PTBP2: variants seen among roughly 807,000 people sequenced by gnomAD.
The protein encoded by PTBP2 is polypyrimidine tract-binding protein 2.
In PTBP2, 13 loss-of-function variants were observed where a neutral mutation model predicts 61.4. That is an observed-to-expected ratio of 0.21 (90% CI 0.14 to 0.34). The LOEUF is 0.34. Among genes scored for constraint, PTBP2 ranks in the 10% least tolerant of loss-of-function variants. PTBP2 has a pLI of 1.00. For missense variants in PTBP2, 405 were observed against 642.6 expected (o/e 0.63, Z 4.00); for synonymous variants, 215 against 218.5 (o/e 0.98, Z 0.14).
rs1662268042 is a variant in PTBP2 at position 96,813,506 on chromosome 1, T to C, written c.*101T>C. On this transcript the variant is annotated 3_prime_UTR_variant, in exon 14 of 14. Transcript: ENST00000674951. ...GACCAGAGTTTGATTTTTTTTGTTT[T>C]TGTTTTTTTGGGGTTTCTTTTTTTT... 8.1e-6 allele frequency: 10 copies of C among 1,232,898 alleles called. No homozygotes were observed. Among genetic ancestry groups the C allele is most frequent in the African/African-American group, 3.2e-5 (2 of 62,144 alleles). The allele number at this position is 1,232,898 out of a possible 1,614,324, so 76.4% of individuals were successfully genotyped here. A position where few individuals can be genotyped will look rare whatever the true frequency, so the allele number is the denominator to read the frequency against.
chr1:96,791,841 T>TTTTG (rs1557759335), intron 8 of PTBP2, among the ~76,000 whole-genome samples: 2 of 139,616 alleles, frequency 1.4e-5, no homozygotes, highest in Admixed American at 7.1e-5. Flanking sequence ...TTTTTTTTTT[T>TTTTG]TTTTTTTTGA....
At chr1:96,734,947 T>G (rs1246549747) in intron 2 of PTBP2, among the ~76,000 whole-genome samples, 1 of 149,562 alleles carries the variant, frequency 6.7e-6, no homozygotes, top group Non-Finnish European at 1.5e-5. Context: ...GACAAGAGTC[T>G]TGCCCTGTTG....
chr1:96,794,765 A>G (rs114696064), intron 8 of PTBP2, among the ~76,000 whole-genome samples: 123 of 152,316 alleles, frequency 8.1e-4, no homozygotes, highest in African/African-American at 2.8e-3. Flanking sequence ...TAAATGAGTG[A>G]TCCATCAACA....
intron 2 of PTBP2, among the ~76,000 whole-genome samples, chr1:96,747,446 C>T (rs912745641): frequency 6.6e-6 from 1 of 151,868 alleles, no homozygotes. Flanking sequence ...ATATTTTCTT[C>T]TGAAATTTTA....
In PTBP2 at chr1:96,736,681, CT is replaced by C. The variant is rs376319097; in HGVS notation, c.39+13093del. 1.2e-3 allele frequency among the ~76,000 whole-genome samples: 187 copies of C among 152,106 alleles called. No homozygotes were observed. In the Middle Eastern group the frequency reaches 0.014, roughly 11 times the overall value. Reference sequence around the variant, plus strand: ...TACATTATGTGTGTTGCCTTTTCCTCTTTTTTCCTTTCCTTTTTTTAAGATA... The same window carrying C: ...TACATTATGTGTGTTGCCTTTTCCTCTTTTTCCTTTCCTTTTTTTAAGATA... On this transcript the variant is annotated intron_variant, in intron 2 of 13. Transcript: ENST00000674951.
At chr1:96,780,451 A>G (rs183128235) in intron 7 of PTBP2, among the ~76,000 whole-genome samples, 4 of 152,118 alleles carry the variant, frequency 2.6e-5, no homozygotes, top group African/African-American at 9.6e-5. Context: ...ATTTGGTTTT[A>G]GCACTGTTGA....
At position 96,778,243 on chromosome 1, in the gene PTBP2, C is replaced by CT. The variant is rs1353562363; in HGVS notation, c.708+297_708+298insT. On this transcript the variant is annotated intron_variant, in intron 7 of 13. Transcript: ENST00000674951. ...AAAGCAGGACTATATTGTGAATGTG[C>CT]ACCAGCATAAGATTTGAAGTGGCTT... Among the ~76,000 whole-genome samples the CT allele has an allele frequency of 5.3e-5, 8 of 149,758 alleles. No individual in the cohort carries two copies. The South Asian group carries it at 1.7e-3, about 31-fold the overall frequency.
At chr1:96,761,346 A>ATTGTGTGTG (rs375632927) in intron 3 of PTBP2, among the ~76,000 whole-genome samples, 30 of 140,574 alleles carry the variant, frequency 2.1e-4, no homozygotes, top group Middle Eastern at 3.6e-3. Flanking sequence ...GTGGGATTTG[A>ATTGTGTGTG]TGTGTGTGTG....
chr1:96,761,176 C>T (rs139047086), intron 3 of PTBP2, among the ~76,000 whole-genome samples: 460 of 152,194 alleles, frequency 3.0e-3, no homozygotes, highest in African/African-American at 0.011. Context: ...GTGATGGAAA[C>T]GTCCTATGTT....
chr1:96,821,052 T>C (rs1179791214), exon 14 of PTBP2: 1 of 152,186 alleles, frequency 6.6e-6, no homozygotes, highest in Non-Finnish European at 1.5e-5. Context: ...AGGCACTTCA[T>C]TTATCGAAGT....
chr1:96,794,507 C>G (rs913632245), intron 8 of PTBP2, among the ~76,000 whole-genome samples: 1 of 152,196 alleles, frequency 6.6e-6, no homozygotes, highest in Non-Finnish European at 1.5e-5. Flanking sequence ...TAAAAGGCTA[C>G]CCTCAATTAA....
At chr1:96,754,091 A>G (rs1372466809) in intron 3 of PTBP2, among the ~76,000 whole-genome samples, 1 of 152,168 alleles carries the variant, frequency 6.6e-6, no homozygotes, top group Non-Finnish European at 1.5e-5. Context: ...AAAAAGAACC[A>G]TACTTAGACA....
chr1:96,736,402 G>A (rs1652184522), intron 2 of PTBP2, among the ~76,000 whole-genome samples: 3 of 152,058 alleles, frequency 2.0e-5, no homozygotes, highest in Non-Finnish European at 4.4e-5. Context: ...AACAATATGT[G>A]AGAGAGTGGT....
intron 2 of PTBP2, among the ~76,000 whole-genome samples, chr1:96,746,271 T>C (rs1185203611): frequency 6.6e-6 from 1 of 152,158 alleles, no homozygotes; most frequent in Non-Finnish European, 1.5e-5. Flanking sequence ...TGTTCCTATT[T>C]ATGTTCTCAC....
chr1:96,819,703 T>A (rs970276977), downstream of PTBP2: 3 of 150,314 alleles, frequency 2.0e-5, no homozygotes, highest in South Asian at 4.2e-4. Context: ...GTTTTTTTTT[T>A]ATTATTATTA....
At chr1:96,749,120 G>T (rs1654209249) in intron 2 of PTBP2, among the ~76,000 whole-genome samples, 1 of 151,996 alleles carries the variant, frequency 6.6e-6, no homozygotes, top group Non-Finnish European at 1.5e-5. Context: ...AAAATGGAAA[G>T]ACTTTTCCAT....
Position 96,751,439 on chromosome 1 carries a change from A to G in PTBP2, c.54A>G (p.Glu18=). ...TGTTTTCATAGAGAGGATCTGACGAACTACTCTCAGGCAGTGTTCTCAGTA... is the reference window on the plus strand; with the variant it reads ...TGTTTTCATAGAGAGGATCTGACGAGCTACTCTCAGGCAGTGTTCTCAGTA... ...VAVGVKRGSD[E]LLSGSVLSSP... The change falls in exon 3 of 14, where the codon GAA becomes GAG. Residue 18 remains glutamate, a synonymous_variant. Coordinates refer to ENST00000674951, the MANE Select transcript of PTBP2 (RefSeq NM_021190.4). 1 of 1,612,558 alleles carries G rather than the reference A, an allele frequency of 6.2e-7. No homozygotes were observed. Among genetic ancestry groups the G allele is most frequent in the African/African-American group, 1.3e-5 (1 of 74,988 alleles).
At chr1:96,756,112 T>C (rs556937324) in intron 3 of PTBP2, among the ~76,000 whole-genome samples, 6 of 152,292 alleles carry the variant, frequency 3.9e-5, no homozygotes, top group Non-Finnish European at 4.4e-5. Flanking sequence ...CTTAGAAAAC[T>C]ATACGGCCGG....
rs1194312742 is a variant in PTBP2, at chr1:96,811,659, G to T, written c.1172-1053G>T. Among the ~76,000 whole-genome samples the T allele has an allele frequency of 2.6e-5, 4 of 152,020 alleles. No individual in the cohort carries two copies. In the East Asian group the frequency reaches 7.7e-4, roughly 29 times the overall value. On this transcript the variant is annotated intron_variant, in intron 11 of 13. Coordinates refer to ENST00000674951, the MANE Select transcript of PTBP2 (RefSeq NM_021190.4). Reference sequence around the variant, plus strand: ...CTCGAACTCCTAGACCTTGTGATCCGCCCACCTCAGCCTCCCAAAGTGTTG... The same window carrying T: ...CTCGAACTCCTAGACCTTGTGATCCTCCCACCTCAGCCTCCCAAAGTGTTG...
Sources: allele counts gnomAD v4.1 joint callset (sites outside exome capture counted in the v4.1 genomes callset), GRCh38; gene constraint gnomAD v4.1.1; transcripts MANE v1.5; gene names NCBI Gene and HGNC (gene_info 2026-07-23, HGNC 2026-07-21).